LPAR1: variants seen among roughly 807,000 people sequenced by gnomAD.
The protein encoded by LPAR1 is lysophosphatidic acid receptor 1, also known as LPA receptor 1.
In LPAR1, 5 loss-of-function variants were observed where a neutral mutation model predicts 23.8. That is an observed-to-expected ratio of 0.21 (90% confidence interval 0.11 to 0.44). The LOEUF (loss-of-function observed/expected upper bound fraction) is 0.44. Among genes scored for constraint, LPAR1 ranks in the 20% least tolerant of loss-of-function variants. The pLI is 0.99. For synonymous variants in LPAR1, 160 were observed against 164.7 expected (o/e 0.97, Z 0.22); for missense variants, 311 against 482.8 (o/e 0.64, Z 3.33).
intron 4 of LPAR1, chr9:110,945,296 TAGTC>T (rs1421638916): frequency 1.7e-4 from 26 of 152,248 alleles, no homozygotes; most frequent in African/African-American, 6.3e-4. Flanking sequence ...GCCAATAAGA[TAGTC>T]AGGGCTATAA....
chr9:110,911,647 C>T (rs1405919738), intron 5 of LPAR1, among the ~76,000 whole-genome samples: 1 of 152,160 alleles, frequency 6.6e-6, no homozygotes, highest in Non-Finnish European at 1.5e-5. Context: ...ACTTAAGGCT[C>T]AGATGACTGT....
At chr9:111,027,438 CCACAGTGAG>C (rs1281117751) in intron 2 of LPAR1, among the ~76,000 whole-genome samples, 1 of 152,084 alleles carries the variant, frequency 6.6e-6, no homozygotes, top group Admixed American at 6.6e-5. Flanking sequence ...GAGTTTGAGG[CCACAGTGAG>C]CTATGACTGA....
chr9:110,986,473 G>A (rs989963739), intron 2 of LPAR1, among the ~76,000 whole-genome samples: 2 of 152,092 alleles, frequency 1.3e-5, no homozygotes, highest in African/African-American at 2.4e-5. Flanking sequence ...GAGAGGCCAA[G>A]GCCGGAGGAT....
At chr9:111,018,802 G>A (rs576698521) in intron 2 of LPAR1, among the ~76,000 whole-genome samples, 26 of 152,070 alleles carry the variant, frequency 1.7e-4, no homozygotes, top group South Asian at 1.5e-3. Flanking sequence ...ATCAGTCTAC[G>A]GAAATTACAT....
chr9:110,988,123 A>C (rs749434310), intron 2 of LPAR1, among the ~76,000 whole-genome samples: 9 of 152,056 alleles, frequency 5.9e-5, no homozygotes, highest in Non-Finnish European at 7.4e-5. Context: ...CTAGAACTTT[A>C]TACACATTAA....
intron 2 of LPAR1, among the ~76,000 whole-genome samples, chr9:110,984,962 T>C (rs1266990410): frequency 6.6e-6 from 1 of 152,014 alleles, no homozygotes; most frequent in Non-Finnish European, 1.5e-5. Flanking sequence ...AATTTCCGTT[T>C]TAAAGAATCA....
At chr9:110,984,161 A>G (rs1179915514) in intron 2 of LPAR1, among the ~76,000 whole-genome samples, 1 of 151,956 alleles carries the variant, frequency 6.6e-6, no homozygotes, top group Non-Finnish European at 1.5e-5. Context: ...AAAATGTACA[A>G]TAAATTTACC....
intron 4 of LPAR1, among the ~76,000 whole-genome samples, chr9:110,958,420 A>C (rs1470225355): frequency 6.6e-6 from 1 of 152,142 alleles, no homozygotes; most frequent in African/African-American, 2.4e-5. Context: ...ACAGAAATAA[A>C]TCCCTGTATT....
intron 2 of LPAR1, among the ~76,000 whole-genome samples, chr9:110,977,435 T>A (rs928934709): frequency 6.6e-6 from 1 of 152,156 alleles, no homozygotes; most frequent in Admixed American, 6.6e-5. Context: ...AATTACTGAG[T>A]GCCACACCAA....
intron 4 of LPAR1, among the ~76,000 whole-genome samples, chr9:110,955,711 A>C (rs1395186695): frequency 8.1e-6 from 1 of 123,450 alleles, no homozygotes; most frequent in African/African-American, 3.1e-5. Flanking sequence ...TCCTCAGACC[A>C]CAATAGAAAA....
chr9:111,038,523 G>A, upstream of LPAR1: 1 of 442,526 alleles, frequency 2.3e-6, no homozygotes, highest in Non-Finnish European at 4.5e-6. This position sits in a 1 kb window ranked among gnomAD's most constrained non-coding sequence, Gnocchi z 4.4. Context: ...AGGGCCAGAG[G>A]AGCAGCGCCG....
intron 5 of LPAR1, among the ~76,000 whole-genome samples, chr9:110,878,427 C>A (rs1361181583): frequency 6.6e-6 from 1 of 152,036 alleles, no homozygotes; most frequent in Non-Finnish European, 1.5e-5. Context: ...AAATTTTGCT[C>A]AAATTAAGGA....
chr9:110,942,963 G>A (rs1036288444), intron 4 of LPAR1, among the ~76,000 whole-genome samples: 2 of 151,294 alleles, frequency 1.3e-5, no homozygotes, highest in African/African-American at 4.9e-5. Context: ...TTTATAACAT[G>A]TTTACTTATT....
chr9:111,016,540 A>T (rs747196347), intron 2 of LPAR1, among the ~76,000 whole-genome samples: 1 of 152,066 alleles, frequency 6.6e-6, no homozygotes, highest in Admixed American at 6.6e-5. Flanking sequence ...AAGTAAAAAG[A>T]CTCCACAAAA....
In LPAR1 at chr9:110,892,850, CAGGCAGGCAGGCAGGCAT is replaced by C. The variant is rs879417554; in HGVS notation, c.794-17146_794-17129del. 2.0e-3 allele frequency among the ~76,000 whole-genome samples: 231 copies of C among 115,790 alleles called. 1 individual carries two copies. Among genetic ancestry groups the C allele is most frequent in the Non-Finnish European group, 3.5e-3 (172 of 49,344 alleles). 76.0% of individuals were successfully genotyped at this position (115,790 alleles called of 152,430 possible). On this transcript the variant is annotated intron_variant, in intron 5 of 5. Transcript: ENST00000683809. ...GAAGGCAGGCAGGCAGGCAGGCAGGCAGGCAGGCAGGCAGGCATGCAGGCAGGCAGGCTCAAAAACACT... is the reference window on the plus strand; with the variant it reads ...GAAGGCAGGCAGGCAGGCAGGCAGGCGCAGGCAGGCAGGCTCAAAAACACT...
chr9:110,944,318 T>A (rs1393411141), intron 4 of LPAR1, among the ~76,000 whole-genome samples: 1 of 152,226 alleles, frequency 6.6e-6, no homozygotes, highest in Non-Finnish European at 1.5e-5. Context: ...AGCTTGCTTA[T>A]TCATTGTTGT....
intron 2 of LPAR1, among the ~76,000 whole-genome samples, chr9:110,974,389 C>A (rs1444464327): frequency 6.6e-6 from 1 of 152,190 alleles, no homozygotes; most frequent in African/African-American, 2.4e-5. Context: ...TCCCCCACAT[C>A]CCTTGGTGCT....
At chr9:110,919,393 C>A (rs948683473) in intron 5 of LPAR1, among the ~76,000 whole-genome samples, 15 of 152,156 alleles carry the variant, frequency 9.9e-5, no homozygotes, top group African/African-American at 3.6e-4. Flanking sequence ...TGCAACCCAA[C>A]TGGTACGCAG....
At chr9:110,973,970 A>T (rs553857465) in intron 2 of LPAR1, among the ~76,000 whole-genome samples, 1 of 152,300 alleles carries the variant, frequency 6.6e-6, no homozygotes, top group African/African-American at 2.4e-5. Context: ...CAGGAATTTG[A>T]GACCAGCCTG....
Sources: allele counts gnomAD v4.1 joint callset (sites outside exome capture counted in the v4.1 genomes callset), GRCh38; gene constraint gnomAD v4.1.1; non-coding constraint Gnocchi (gnomAD v3.1); transcripts MANE v1.5; gene names NCBI Gene and HGNC (gene_info 2026-07-23, HGNC 2026-07-21).